Variants in ATP2A3 observed in about 807,000 individuals in gnomAD.
The protein encoded by ATP2A3 is sarcoplasmic/endoplasmic reticulum calcium ATPase 3.
A neutral mutation model predicts 106.8 loss-of-function variants in ATP2A3; 61 were observed. The observed-to-expected ratio is 0.57, with a 90% CI of 0.46 to 0.71. The LOEUF (loss-of-function observed/expected upper bound fraction) is 0.71. Ranked by LOEUF, ATP2A3 falls within the 30% of genes least tolerant of loss-of-function variation. The pLI, the probability that ATP2A3 is intolerant of heterozygous loss-of-function variation, is 0.00. For missense variants in ATP2A3, 1,201 were observed against 1,423.5 expected, an observed-to-expected ratio of 0.84 and a Z score of 2.52; for synonymous variants, 611 against 609.3, an observed-to-expected ratio of 1.00 and a Z score of -0.04.
chr17:3,947,222 G>T lies in ATP2A3; in HGVS notation c.1095+169C>A, dbSNP rs2054162798. On this transcript the variant is annotated intron_variant, in intron 8 of 20. Transcript: ENST00000397041. This position sits in a 1 kb window ranked among gnomAD's most constrained non-coding sequence, Gnocchi z 7.7. Reference sequence around the variant, plus strand: ...ACATGTGGCTACCCAGGCATGATTTGCTATAGTCTCCCTGTCATCTTGTGA... The same window carrying T: ...ACATGTGGCTACCCAGGCATGATTTTCTATAGTCTCCCTGTCATCTTGTGA... Among the ~76,000 whole-genome samples, 1 of 152,210 alleles carries T rather than the reference G, an allele frequency of 6.6e-6. No individual in the cohort carries two copies. Among genetic ancestry groups the T allele is most frequent in the African/African-American group, 2.4e-5 (1 of 41,458 alleles).
Position 3,955,128 on chromosome 17 carries a change from G to C in ATP2A3, c.119-1418C>G, listed in dbSNP as rs1157626423. Among the ~76,000 whole-genome samples the C allele has an allele frequency of 6.6e-6, 1 of 152,186 alleles. No homozygotes were observed. Among genetic ancestry groups the C allele is most frequent in the African/African-American group, 2.4e-5 (1 of 41,452 alleles). On this transcript the variant is annotated intron_variant, in intron 1 of 20. Coordinates refer to ENST00000397041, the MANE Select transcript of ATP2A3 (RefSeq NM_005173.4). The surrounding 1 kb of genome is among the most constrained non-coding windows in gnomAD (Gnocchi z 4.2). ...TCTTGCCACTCAAAGGACAGTCTCC[G>C]GACATCTGTGGCATCTCCCCGAAGC...
At chr17:3,944,854 G>A (rs766271953) in intron 9 of ATP2A3, 48 bp from the exon 10 acceptor site, 3 of 1,552,178 alleles carry the variant, frequency 1.9e-6, no homozygotes, top group Non-Finnish European at 2.6e-6. Context: ...CCGCCCCCGA[G>A]AGGGGTCCGC....
chr17:3,933,760 T>C (rs192032534), intron 17 of ATP2A3, among the ~76,000 whole-genome samples: 2 of 150,820 alleles, frequency 1.3e-5, no homozygotes, highest in African/African-American at 2.5e-5. Flanking sequence ...AAAAAGACAG[T>C]GCGTCGGGCT....
intron 16 of ATP2A3, 128 bp from the exon 17 acceptor site, chr17:3,935,405 G>C: frequency 1.2e-6 from 1 of 850,086 alleles, no homozygotes; most frequent in Non-Finnish European, 1.9e-6. Flanking sequence ...CCTGTGGTTT[G>C]CAGGCACCTC....
intron 20 of ATP2A3, chr17:3,927,699 C>G: frequency 8.2e-6 from 8 of 981,246 alleles, no homozygotes; most frequent in Middle Eastern, 5.2e-4. Flanking sequence ...CTTGCCTTGG[C>G]TGAGTGCCCA....
chr17:3,927,446 G>A lies in ATP2A3; in HGVS notation c.2980+1217C>T, dbSNP rs938377122. On this transcript the variant is annotated intron_variant, in intron 20 of 20. Transcript: ENST00000397041. Reference sequence around the variant, plus strand: ...GGCCTGGCTCTGCAGGTGAGTGAGTGTGGTCAAGGACGGCCCAGAGGCCTG... The same window carrying A: ...GGCCTGGCTCTGCAGGTGAGTGAGTATGGTCAAGGACGGCCCAGAGGCCTG... The A allele has an allele frequency of 5.1e-6, 5 of 984,408 alleles. No homozygotes were observed. The Admixed American group carries it at 2.5e-4, about 48-fold the overall frequency. The allele number at this position is 984,408 out of a possible 1,614,324, so 61.0% of individuals were successfully genotyped here.
Position 3,930,602 on chromosome 17 carries a change from G to A in ATP2A3, c.2611-168C>T, listed in dbSNP as rs1180253413. The A allele has an allele frequency of 1.1e-5, 10 of 905,788 alleles. No individual in the cohort carries two copies. Among genetic ancestry groups the A allele is most frequent in the South Asian group, 3.0e-5 (2 of 66,236 alleles). 56.1% of individuals were successfully genotyped at this position (905,788 alleles called of 1,614,324 possible). ...CCCGGGAGGGGTGCGGGGTCGGGGC[G>A]GCGGTGGGGAGAGCTGCACCGTGCC... On this transcript the variant is annotated intron_variant, in intron 17 of 20. Transcript: ENST00000397041. The surrounding 1 kb of genome is among the most constrained non-coding windows in gnomAD (Gnocchi z 5.4).
chr17:3,960,353 A>C (rs534699640), intron 1 of ATP2A3, among the ~76,000 whole-genome samples: 4 of 152,228 alleles, frequency 2.6e-5, no homozygotes, highest in Admixed American at 6.5e-5. Flanking sequence ...GCAGGAGTCT[A>C]AATCTGGACC....
Position 3,930,580 on chromosome 17 carries a change from GGGAGGGGTGCGGGGTC to G in ATP2A3, c.2611-162_2611-147del. ...TGCCGTGGGGTGGGCTGGGGATCCC[GGGAGGGGTGCGGGGTC>G]GGGGCGGCGGTGGGGAGAGCTGCAC... On this transcript the variant is annotated intron_variant, in intron 17 of 20. Transcript: ENST00000397041. This position sits in a 1 kb window ranked among gnomAD's most constrained non-coding sequence, Gnocchi z 5.4. 8.0e-7 allele frequency: 1 copy of G among 1,247,448 alleles called. No individual in the cohort carries two copies. The highest frequency in any genetic ancestry group is 1.1e-6 in the Non-Finnish European group (1 of 889,720). 77.3% of individuals were successfully genotyped at this position (1,247,448 alleles called of 1,614,324 possible). A position where few individuals can be genotyped will look rare whatever the true frequency, so the allele number is the denominator to read the frequency against.
Position 3,941,483 on chromosome 17 carries a change from T to A in ATP2A3, c.1717A>T (p.Lys573Ter). The A allele has an allele frequency of 6.2e-7, 1 of 1,613,824 alleles. No homozygotes were observed. Among genetic ancestry groups the A allele is most frequent in the Non-Finnish European group, 8.5e-7 (1 of 1,179,824 alleles). ...CAGTCGTCCAGCTCCATGTCCTCCT[T>A]CCTTGGGGGCGCGTCCCGGGTGGCC... ...ALATRDAPPR[K>*]EDMELDDCSK... is the part of the protein sequence containing the mutation. Residue 573 changes from lysine to a stop codon, truncating the protein, a stop_gained, in exon 13 of 21, where the codon AAG becomes TAG. Coordinates refer to ENST00000397041, the MANE Select transcript of ATP2A3 (RefSeq NM_005173.4). LOFTEE classifies it high-confidence loss of function.
At chr17:3,954,554 T>C (rs1027336120) in intron 1 of ATP2A3, among the ~76,000 whole-genome samples, 1 of 149,440 alleles carries the variant, frequency 6.7e-6, no homozygotes. Context: ...CAGAGTGCAG[T>C]GGCGCAATCT....
At chr17:3,952,247 G>A (rs1388509455) in intron 3 of ATP2A3, among the ~76,000 whole-genome samples, 1 of 152,114 alleles carries the variant, frequency 6.6e-6, no homozygotes, top group Non-Finnish European at 1.5e-5. Flanking sequence ...ACCACGCCTG[G>A]CTAATTTTTC....
intron 1 of ATP2A3, among the ~76,000 whole-genome samples, chr17:3,959,704 G>A (rs1412353648): frequency 1.3e-5 from 2 of 152,248 alleles, no homozygotes; most frequent in African/African-American, 2.4e-5. Flanking sequence ...AAGAGGCCCT[G>A]GCTGGGCAAG....
chr17:3,950,678 T>G lies in ATP2A3; in HGVS notation c.544+15A>C. The G allele has an allele frequency of 6.2e-7, 1 of 1,611,238 alleles. No individual in the cohort carries two copies. The highest frequency in any genetic ancestry group is 8.5e-7 in the Non-Finnish European group (1 of 1,178,212). On this transcript the variant is annotated intron_variant, in intron 6 of 20. Coordinates refer to ENST00000397041, the MANE Select transcript of ATP2A3 (RefSeq NM_005173.4). ...CCTGGCCCACTAGGTCCCGGCCTCC[T>G]GGGGGGGGCCTCACCCGTCAGGATG...
At chr17:3,932,302 C>T (rs779830125) in intron 17 of ATP2A3, among the ~76,000 whole-genome samples, 8 of 152,108 alleles carry the variant, frequency 5.3e-5, no homozygotes, top group Non-Finnish European at 1.0e-4. Flanking sequence ...CGCCACCACC[C>T]GTGGCTAATT....
rs1466941127 is a variant in ATP2A3, at chr17:3,947,171, C to T, written c.1095+220G>A. Among the ~76,000 whole-genome samples the T allele has an allele frequency of 6.6e-6, 1 of 152,168 alleles. No homozygotes were observed. Among genetic ancestry groups the T allele is most frequent in the Non-Finnish European group, 1.5e-5 (1 of 68,032 alleles). The stretch of plus-strand genomic sequence containing the variant: ...AGACTGTCAGCAACCTGGCCAGGGC[C>T]CCACAGTGACACACAGGCCTCAGTG... On this transcript the variant is annotated intron_variant, in intron 8 of 20. Coordinates refer to ENST00000397041, the MANE Select transcript of ATP2A3 (RefSeq NM_005173.4). This position sits in a 1 kb window ranked among gnomAD's most constrained non-coding sequence, Gnocchi z 7.7.
chr17:3,932,628 C>T (rs1209755743), intron 17 of ATP2A3, among the ~76,000 whole-genome samples: 2 of 152,182 alleles, frequency 1.3e-5, no homozygotes, highest in Non-Finnish European at 2.9e-5. Flanking sequence ...TTTGTAGAGA[C>T]GGGGTTTCGC....
intron 1 of ATP2A3, among the ~76,000 whole-genome samples, chr17:3,963,731 G>A (rs2144816265): frequency 6.6e-6 from 1 of 152,336 alleles, no homozygotes; most frequent in African/African-American, 2.4e-5. Flanking sequence ...GTTTTCTGGA[G>A]CCCTCAGGGG....
Position 3,943,398 on chromosome 17 carries a change from C to T in ATP2A3, c.1412G>A (p.Cys471Tyr). ...ALSRVERAGA[C>Y]NTVIKQLMRK... The stretch of plus-strand genomic sequence containing the variant: ...GCCCCCAGCCCTGCTCACCGTGTTA[C>T]AGGCGCCAGCTCGCTCCACCCGGGA... The change falls in exon 11 of 21, where the codon TGT (cysteine) becomes TAT (tyrosine). Residue 471 changes from cysteine (C) to tyrosine (Y), a missense_variant. Coordinates refer to ENST00000397041, the MANE Select transcript of ATP2A3 (RefSeq NM_005173.4). The T allele has an allele frequency of 6.2e-7, 1 of 1,613,952 alleles. No homozygotes were observed. Among genetic ancestry groups the T allele is most frequent in the Non-Finnish European group, 8.5e-7 (1 of 1,179,992 alleles).
Sources: gnomAD v4.1 joint callset for allele counts (sites outside exome capture counted in the v4.1 genomes callset) on GRCh38, gnomAD v4.1.1 for gene constraint, Gnocchi (gnomAD v3.1) non-coding constraint, MANE v1.5 for transcripts, NCBI Gene and HGNC (gene_info 2026-07-23, HGNC 2026-07-21) for gene names.